The following RNFT2 variants were observed in gnomAD, a reference collection of about 807,000 sequenced individuals.
RNFT2 encodes ring finger protein, transmembrane 2, also known as E3 ubiquitin-protein ligase RNFT2.
RNFT2 carries 36 observed loss-of-function variants against 53.0 expected under a neutral mutation model. The observed-to-expected ratio is 0.68, with a 90% CI of 0.52 to 0.90. The LOEUF is 0.90. RNFT2 is among the 40% of genes least tolerant of loss of function. The probability of loss-of-function intolerance (pLI) is 0.00; values close to 1 mark genes in which losing one functional copy is unlikely to be tolerated. For missense variants in RNFT2, 514 were observed against 585.6 expected, an observed-to-expected ratio of 0.88 and a Z score of 1.26; for synonymous variants, 260 against 253.2, an observed-to-expected ratio of 1.03 and a Z score of -0.26.
intron 6 of RNFT2, 112 bp downstream of exon 6, chr12:116,767,026 T>A: frequency 1.5e-6 from 1 of 679,202 alleles, no homozygotes; most frequent in Non-Finnish European, 2.6e-6. Flanking sequence ...ATGTTGTAAC[T>A]TCCAAATTCC....
chr12:116,775,648 G>A (rs1474097652), intron 6 of RNFT2, among the ~76,000 whole-genome samples: 2 of 152,346 alleles, frequency 1.3e-5, no homozygotes, highest in Non-Finnish European at 2.9e-5. Context: ...CTGCCTGCAG[G>A]CTAGTTAGGA....
chr12:116,785,156 C>G (rs1388478750), intron 7 of RNFT2, among the ~76,000 whole-genome samples: 1 of 151,970 alleles, frequency 6.6e-6, no homozygotes, highest in African/African-American at 2.4e-5. Flanking sequence ...CAGAGATGCT[C>G]CTTCTCTAAT....
chr12:116,799,153 C>T (rs1874648411), intron 7 of RNFT2, among the ~76,000 whole-genome samples: 1 of 152,208 alleles, frequency 6.6e-6, no homozygotes, highest in Admixed American at 6.5e-5. Context: ...TGAGGTCCTC[C>T]ATCCTTGCTG....
At chr12:116,775,667 T>A (rs1873401996) in intron 6 of RNFT2, among the ~76,000 whole-genome samples, 1 of 152,252 alleles carries the variant, frequency 6.6e-6, no homozygotes, top group Admixed American at 6.5e-5. Context: ...GAAGGCCACA[T>A]GTCATAAGAC....
At chr12:116,760,332 G>C (rs376060936) in intron 5 of RNFT2, among the ~76,000 whole-genome samples, 204 of 152,286 alleles carry the variant, frequency 1.3e-3, no homozygotes, top group African/African-American at 4.6e-3. Flanking sequence ...TCTGCACACT[G>C]GATTTGCACC....
intron 6 of RNFT2, among the ~76,000 whole-genome samples, chr12:116,775,864 G>A (rs1307207074): frequency 6.6e-6 from 1 of 152,124 alleles, no homozygotes; most frequent in Admixed American, 6.5e-5. Context: ...CCAACATGGC[G>A]AAACCCTGTC....
rs200725673 is a variant in RNFT2 at position 116,836,299 on chromosome 12, C to A, written c.1200+17C>A. ...CTGTGCCAGGTGAGCAGGGCTCAGG[C>A]GGGACCATTGGAGACCAAGGCTGGG... On this transcript the variant is annotated intron_variant, in intron 10 of 10. Transcript: ENST00000257575. The A allele has an allele frequency of 6.1e-4, 943 of 1,552,914 alleles. 4 individuals carry two copies. The African/African-American group carries it at 0.012, about 19-fold the overall frequency.
At chr12:116,750,807 ATAATATATATAT>A in intron 4 of RNFT2, among the ~76,000 whole-genome samples, 1 of 23,654 alleles carries the variant, frequency 4.2e-5, no homozygotes, top group African/African-American at 1.9e-4. Context: ...GTATATATAT[ATAATATATATAT>A]TATATATATA....
chr12:116,790,968 T>A (rs1874204207), intron 7 of RNFT2, among the ~76,000 whole-genome samples: 1 of 152,138 alleles, frequency 6.6e-6, no homozygotes, highest in African/African-American at 2.4e-5. Context: ...CTGAAAAAAA[T>A]AAAATAAAAC....
chr12:116,839,526 G>GGTAT (rs1168294188), intron 10 of RNFT2, among the ~76,000 whole-genome samples: 1 of 151,388 alleles, frequency 6.6e-6, no homozygotes, highest in Non-Finnish European at 1.5e-5. Flanking sequence ...GGTGGACAGA[G>GGTAT]GTATAAGGGG....
Position 116,851,703 on chromosome 12 carries a change from A to G in RNFT2, c.*2255A>G, listed in dbSNP as rs1197282976. 1 of 674,406 alleles carries G rather than the reference A, an allele frequency of 1.5e-6. No individual in the cohort carries two copies. Among genetic ancestry groups the G allele is most frequent in the African/African-American group, 1.8e-5 (1 of 56,256 alleles). The allele number at this position is 674,406 out of a possible 1,614,324, so 41.8% of individuals were successfully genotyped here. A position where few individuals can be genotyped will look rare whatever the true frequency, so the allele number is the denominator to read the frequency against. On this transcript the variant is annotated 3_prime_UTR_variant, in exon 11 of 11. Transcript: ENST00000257575. ...TTGCAGTGAGCCGAGATTGCACCAC[A>G]GCACTCCAACCTGGGTGACAGAGTG... is the stretch of plus-strand genomic sequence containing the variant.
At chr12:116,742,701 G>C (rs1871669440) in intron 3 of RNFT2, among the ~76,000 whole-genome samples, 1 of 152,148 alleles carries the variant, frequency 6.6e-6, no homozygotes, top group South Asian at 2.1e-4. Context: ...CCAACACTTT[G>C]GGAGACCAAG....
rs374408722 is a variant in RNFT2, at chr12:116,849,386, G to T, written c.1273G>T (p.Ala425Ser). ...ERTCPLCRSV[A>S]VDTLRCWKDG... ...CACCTGCCCGCTCTGCCGCTCGGTC[G>T]CCGTGGACACCCTGCGCTGCTGGAA... is the stretch of plus-strand genomic sequence containing the variant. Residue 425 changes from alanine to serine, a missense_variant, in exon 11 of 11, where the codon GCC becomes TCC. By Grantham distance (99) the Ala-to-Ser change is moderately conservative (BLOSUM62 1). Coordinates refer to ENST00000257575, the MANE Select transcript of RNFT2 (RefSeq NM_001382266.1). 6.4e-7 allele frequency: 1 copy of T among 1,563,650 alleles called. No individual in the cohort carries two copies. Among genetic ancestry groups the T allele is most frequent in the South Asian group, 1.2e-5 (1 of 85,056 alleles).
intron 10 of RNFT2, among the ~76,000 whole-genome samples, chr12:116,840,761 A>G (rs1877208117): frequency 6.6e-6 from 1 of 152,158 alleles, no homozygotes; most frequent in African/African-American, 2.4e-5. Flanking sequence ...AGCTTGTAGG[A>G]CTTTTTTAAG....
chr12:116,851,583 T>A lies in RNFT2; in HGVS notation c.*2135T>A. On this transcript the variant is annotated 3_prime_UTR_variant, in exon 11 of 11. Transcript: ENST00000257575. ...GCAAAACCCCCTCTTTACTAAAAAA[T>A]ACAAAAATTAGCCGGGCGCGGTGGC... is the stretch of plus-strand genomic sequence containing the variant. 1 of 591,054 alleles carries A rather than the reference T, an allele frequency of 1.7e-6. No homozygotes were observed. Among genetic ancestry groups the A allele is most frequent in the Non-Finnish European group, 3.0e-6 (1 of 333,796 alleles). The allele number at this position is 591,054 out of a possible 1,614,324, so 36.6% of individuals were successfully genotyped here. A position where few individuals can be genotyped will look rare whatever the true frequency, so the allele number is the denominator to read the frequency against.
chr12:116,841,006 C>T lies in RNFT2; in HGVS notation c.1200+4724C>T, dbSNP rs1291008491. On this transcript the variant is annotated intron_variant, in intron 10 of 10. Coordinates refer to ENST00000257575, the MANE Select transcript of RNFT2 (RefSeq NM_001382266.1). ...TTTCGTAATTAAATGCTTCAAACAT[C>T]CTTTCCCAGATTCCCTATAATGAGT... 6.6e-5 allele frequency among the ~76,000 whole-genome samples: 10 copies of T among 152,064 alleles called. 1 individual carries two copies. Among genetic ancestry groups the T allele is most frequent in the Admixed American group, 6.6e-4 (10 of 15,254 alleles).
At chr12:116,773,015 G>C (rs1274467406) in intron 6 of RNFT2, among the ~76,000 whole-genome samples, 2 of 152,120 alleles carry the variant, frequency 1.3e-5, no homozygotes, top group Non-Finnish European at 2.9e-5. Flanking sequence ...TTTTAGTAGA[G>C]ACAGGGTTTC....
At chr12:116,782,216 TA>T (rs911572472) in intron 7 of RNFT2, 52 of 149,740 alleles carry the variant, frequency 3.5e-4, no homozygotes, top group Non-Finnish European at 6.4e-4. Context: ...TTTTTTTAAT[TA>T]AAAAAAAATA....
At chr12:116,806,533 C>G (rs1434619377) in intron 7 of RNFT2, among the ~76,000 whole-genome samples, 1 of 151,646 alleles carries the variant, frequency 6.6e-6, no homozygotes, top group Non-Finnish European at 1.5e-5. Flanking sequence ...GAGGCTGAGG[C>G]CAGGAGTTCG....
Sources: allele counts gnomAD v4.1 joint callset (sites outside exome capture counted in the v4.1 genomes callset), GRCh38; gene constraint gnomAD v4.1.1; transcripts MANE v1.5; gene names NCBI Gene and HGNC (gene_info 2026-07-23, HGNC 2026-07-21).